PCDHGA3: variants seen among roughly 807,000 people sequenced by gnomAD.
PCDHGA3 encodes protocadherin gamma-A3.
In PCDHGA3, 40 loss-of-function variants were observed where a neutral mutation model predicts 58.5. The observed-to-expected ratio is 0.68, with a 90% CI of 0.53 to 0.89. The LOEUF is 0.89. Ranked by LOEUF, PCDHGA3 falls within the 40% of genes least tolerant of loss-of-function variation. The probability of loss-of-function intolerance (pLI) is 0.00; values close to 1 mark genes in which losing one functional copy is unlikely to be tolerated. For synonymous variants in PCDHGA3, 530 were observed against 525.7 expected, an observed-to-expected ratio of 1.01 and a Z score of -0.11; for missense variants, 1,223 against 1,195.9, an observed-to-expected ratio of 1.02 and a Z score of -0.33.
At chr5:141,425,448 C>G (rs897473729) in intron 1 of PCDHGA3, among the ~76,000 whole-genome samples, 1 of 152,164 alleles carries the variant, frequency 6.6e-6, no homozygotes, top group African/African-American at 2.4e-5. Flanking sequence ...AAATAAAACA[C>G]CATCACATTT....
intron 1 of PCDHGA3, chr5:141,403,288 CAG>C: frequency 6.2e-7 from 1 of 1,613,878 alleles, no homozygotes; most frequent in Admixed American, 1.7e-5. Context: ...TGGTTGAAGA[CAG>C]AGTGAAACTG....
Position 141,423,691 on chromosome 5 carries a change from T to C in PCDHGA3, c.2425-71116T>C. On this transcript the variant is annotated intron_variant, in intron 1 of 3. Coordinates refer to ENST00000253812, the MANE Select transcript of PCDHGA3 (RefSeq NM_018916.4). Reference sequence around the variant, plus strand: ...ATTTATTTCTCTGCCTCCTAATTGTTGGTGTCTTGGCACAAGTCTTTTAAG... The same window carrying C: ...ATTTATTTCTCTGCCTCCTAATTGTCGGTGTCTTGGCACAAGTCTTTTAAG... 5 of 1,506,830 alleles carry C rather than the reference T, an allele frequency of 3.3e-6. No individual in the cohort carries two copies. The South Asian group carries it at 6.9e-5, about 21-fold the overall frequency. 93.3% of individuals were successfully genotyped at this position (1,506,830 alleles called of 1,614,324 possible).
At chr5:141,475,840 A>T in intron 1 of PCDHGA3, 1 of 434,888 alleles carries the variant, frequency 2.3e-6, no homozygotes, top group Non-Finnish European at 4.1e-6. Flanking sequence ...TGTCCTGCTC[A>T]GAGAGCCCGG....
chr5:141,382,992 T>G, intron 1 of PCDHGA3: 2 of 1,613,578 alleles, frequency 1.2e-6, no homozygotes, highest in Non-Finnish European at 1.7e-6. Context: ...CAGGACGTAT[T>G]CTCTACTCCG....
Position 141,431,529 on chromosome 5 carries a change from T to C in PCDHGA3, c.2425-63278T>C, listed in dbSNP as rs145601545. 166 of 1,614,074 alleles carry C rather than the reference T, an allele frequency of 1.0e-4. No individual in the cohort carries two copies. In the African/African-American group the frequency reaches 2.0e-3, roughly 19 times the overall value. On this transcript the variant is annotated intron_variant, in intron 1 of 3. Coordinates refer to ENST00000253812, the MANE Select transcript of PCDHGA3 (RefSeq NM_018916.4). The surrounding 1 kb of genome is among the most constrained non-coding windows in gnomAD (Gnocchi z 4.8). The stretch of plus-strand genomic sequence containing the variant: ...GCGAGCGTTCCGGAGAATCTGGCCT[T>C]GGGCACGCAGCTGCTTGTAGTCAAC...
At chr5:141,404,532 A>G in intron 1 of PCDHGA3, 1 of 1,613,918 alleles carries the variant, frequency 6.2e-7, no homozygotes, top group Non-Finnish European at 8.5e-7. Context: ...CAGTTTAGAG[A>G]TTTGCAAATG....
chr5:141,394,624 T>A (rs542816387), intron 1 of PCDHGA3: 6 of 1,612,992 alleles, frequency 3.7e-6, no homozygotes, highest in Non-Finnish European at 5.1e-6. Flanking sequence ...AACGCCTGGC[T>A]GTCCTACCGC....
At chr5:141,452,161 A>G (rs559274240) in intron 1 of PCDHGA3, among the ~76,000 whole-genome samples, 1 of 152,204 alleles carries the variant, frequency 6.6e-6, no homozygotes, top group South Asian at 2.1e-4. Context: ...GTTATATTCT[A>G]TTACTAACAT....
chr5:141,365,907 G>A, intron 1 of PCDHGA3: 1 of 1,614,196 alleles, frequency 6.2e-7, no homozygotes, highest in Non-Finnish European at 8.5e-7. Context: ...GAGCAGTTGA[G>A]AGACCTACAG....
chr5:141,355,438 C>G, intron 1 of PCDHGA3: 3 of 1,614,084 alleles, frequency 1.9e-6, no homozygotes, highest in Non-Finnish European at 2.5e-6. Flanking sequence ...CCTGAACCCG[C>G]GCAGCGGCAC....
intron 1 of PCDHGA3, chr5:141,422,056 G>A: frequency 8.7e-6 from 14 of 1,611,934 alleles, no homozygotes; most frequent in Non-Finnish European, 1.2e-5. Flanking sequence ...AATCAACGGG[G>A]AAGTAATGTA....
intron 1 of PCDHGA3, chr5:141,362,191 G>C: frequency 6.2e-7 from 1 of 1,614,010 alleles, no homozygotes; most frequent in Non-Finnish European, 8.5e-7. Flanking sequence ...TGACCCCCAG[G>C]CAAAACTGCA....
At chr5:141,348,140 TGA>T (rs1488883250) in intron 1 of PCDHGA3, among the ~76,000 whole-genome samples, 1 of 152,236 alleles carries the variant, frequency 6.6e-6, no homozygotes, top group East Asian at 1.9e-4. Context: ...TGAAATCATA[TGA>T]GAGTTATCCA....
rs1233148754 is a variant in PCDHGA3, at chr5:141,428,157, T to A, written c.2425-66650T>A. ...CCTGGGGCTGCACACGGGAACCTGC[T>A]GGTTGCTGTGCGTGACGGAGGACAG... On this transcript the variant is annotated intron_variant, in intron 1 of 3. Coordinates refer to ENST00000253812, the MANE Select transcript of PCDHGA3 (RefSeq NM_018916.4). The A allele has an allele frequency of 4.4e-6, 7 of 1,575,024 alleles. No individual in the cohort carries two copies. The East Asian group carries it at 1.6e-4, about 35-fold the overall frequency.
intron 1 of PCDHGA3, chr5:141,405,386 T>C (rs2094651618): frequency 6.9e-6 from 11 of 1,595,500 alleles, no homozygotes; most frequent in Non-Finnish European, 7.7e-6. Flanking sequence ...GGTGAGTTCA[T>C]TTTTTTTCTT....
At chr5:141,421,189 C>G in intron 1 of PCDHGA3, 1 of 1,477,674 alleles carries the variant, frequency 6.8e-7, no homozygotes, top group Non-Finnish European at 9.0e-7. Flanking sequence ...CACAACCAAC[C>G]AGCTCGAGAA....
In PCDHGA3 at chr5:141,344,126, C is replaced by A. The variant is rs768485525; in HGVS notation, c.93C>A (p.Ile31=). The A allele has an allele frequency of 1.9e-6, 3 of 1,613,878 alleles. No individual in the cohort carries two copies. In the African/African-American group the frequency reaches 4.0e-5, roughly 22 times the overall value. The change falls in exon 1 of 4, where the codon ATC becomes ATA. Residue 31 remains isoleucine, a synonymous_variant. Transcript: ENST00000253812. ...TGTGCGAAACAGGATCCGGTCAGAT[C>A]CGCTACTCGGTGTCTGAGGAGCTAG... ...GTLCETGSGQ[I]RYSVSEELDK... is the part of the protein sequence containing the mutation.
chr5:141,404,982 G>GGATTA (rs1244941764), intron 1 of PCDHGA3: 10 of 1,613,938 alleles, frequency 6.2e-6, no homozygotes, highest in Non-Finnish European at 8.5e-6. Context: ...GACCTGGGCA[G>GGATTA]TCTTCAGATC....
chr5:141,503,713 C>T (rs867005984), intron 2 of PCDHGA3, among the ~76,000 whole-genome samples: 6 of 152,134 alleles, frequency 3.9e-5, no homozygotes, highest in Non-Finnish European at 8.8e-5. Context: ...TCCCCTTCAA[C>T]CCTAGCTTTA....
Sources: allele counts gnomAD v4.1 joint callset (sites outside exome capture counted in the v4.1 genomes callset), GRCh38; gene constraint gnomAD v4.1.1; non-coding constraint Gnocchi (gnomAD v3.1); transcripts MANE v1.5; gene names NCBI Gene and HGNC (gene_info 2026-07-23, HGNC 2026-07-21).